The following CARMIL1 variants were observed in gnomAD, a reference collection of about 807,000 sequenced individuals.
CARMIL1 encodes the protein F-actin-uncapping protein LRRC16A.
In CARMIL1, 90 loss-of-function variants were observed where a neutral mutation model predicts 177.1. The observed-to-expected ratio is 0.51, with a 90% CI of 0.43 to 0.61. The LOEUF is 0.61. CARMIL1 is among the 20% of genes least tolerant of loss of function. The pLI, the probability that CARMIL1 is intolerant of heterozygous loss-of-function variation, is 0.00. For synonymous variants in CARMIL1, 577 were observed against 606.2 expected (o/e 0.95, Z 0.71); for missense variants, 1,380 against 1,667.0 (o/e 0.83, Z 3.00).
intron 8 of CARMIL1, among the ~76,000 whole-genome samples, chr6:25,457,450 G>A (rs557658388): frequency 6.6e-6 from 1 of 152,242 alleles, no homozygotes; most frequent in South Asian, 2.1e-4. Flanking sequence ...GTTGGTGAGT[G>A]GTTCCGCTAA....
chr6:25,491,858 C>G, intron 14 of CARMIL1, 49 bp downstream of exon 14: 1 of 1,511,428 alleles, frequency 6.6e-7, no homozygotes, highest in Non-Finnish European at 9.1e-7. Context: ...CTCAGAAGAG[C>G]TATTTAGATG....
intron 29 of CARMIL1, among the ~76,000 whole-genome samples, chr6:25,561,506 C>T (rs541813638): frequency 3.2e-4 from 48 of 152,284 alleles, no homozygotes; most frequent in Admixed American, 5.9e-4. Flanking sequence ...TATTACAGAA[C>T]GCATCTTTGT....
intron 2 of CARMIL1, among the ~76,000 whole-genome samples, chr6:25,367,026 G>A (rs1045358949): frequency 6.6e-6 from 1 of 152,186 alleles, no homozygotes; most frequent in Non-Finnish European, 1.5e-5. Flanking sequence ...GTTACTCATA[G>A]TAGCATTCCA....
chr6:25,491,147 G>T (rs1230856019), intron 13 of CARMIL1, among the ~76,000 whole-genome samples: 1 of 152,196 alleles, frequency 6.6e-6, no homozygotes, highest in African/African-American at 2.4e-5. Flanking sequence ...GACTGGGGAA[G>T]TTTAAGCATT....
At chr6:25,538,056 A>G in intron 25 of CARMIL1, 73 bp downstream of exon 25, 1 of 1,469,702 alleles carries the variant, frequency 6.8e-7, no homozygotes, top group Non-Finnish European at 9.0e-7. Context: ...TTTAGAAACC[A>G]GTTTCAACTT....
At chr6:25,345,332 A>G (rs900757306) in intron 2 of CARMIL1, among the ~76,000 whole-genome samples, 6 of 152,156 alleles carry the variant, frequency 3.9e-5, no homozygotes, top group African/African-American at 1.4e-4. Context: ...AACTCTAAGC[A>G]AAGTGTTTCA....
chr6:25,355,787 G>C (rs1004950059), intron 2 of CARMIL1, among the ~76,000 whole-genome samples: 1 of 152,152 alleles, frequency 6.6e-6, no homozygotes, highest in Non-Finnish European at 1.5e-5. Context: ...GGTAAAAAGA[G>C]AAAACCACAT....
chr6:25,455,797 G>A (rs144022313), intron 8 of CARMIL1, among the ~76,000 whole-genome samples: 36 of 152,274 alleles, frequency 2.4e-4, no homozygotes, highest in African/African-American at 8.7e-4. Flanking sequence ...TTTTAGTCAT[G>A]GGAGAGGCAC....
At chr6:25,495,258 C>T in intron 16 of CARMIL1, 43 bp downstream of exon 16, 1 of 1,353,892 alleles carries the variant, frequency 7.4e-7, no homozygotes, top group Non-Finnish European at 1.0e-6. Context: ...TAAAGTTCAA[C>T]TTATTTTTAC....
intron 3 of CARMIL1, among the ~76,000 whole-genome samples, chr6:25,422,682 A>G (rs1281140266): frequency 1.3e-5 from 2 of 152,192 alleles, no homozygotes; most frequent in Non-Finnish European, 2.9e-5. Context: ...CCCACTGGTA[A>G]GATATTAATT....
intron 2 of CARMIL1, among the ~76,000 whole-genome samples, chr6:25,322,194 C>T (rs1784733597): frequency 1.3e-5 from 2 of 152,216 alleles, no homozygotes; most frequent in African/African-American, 4.8e-5. Context: ...ACTATCTCAG[C>T]TCACTGCAAC....
At chr6:25,282,153 A>G (rs1781180167) in intron 1 of CARMIL1, among the ~76,000 whole-genome samples, 1 of 149,370 alleles carries the variant, frequency 6.7e-6, no homozygotes, top group Non-Finnish European at 1.5e-5. Flanking sequence ...TATAGACTTT[A>G]TGTAGAAACA....
At chr6:25,383,917 C>A (rs930534426) in intron 2 of CARMIL1, among the ~76,000 whole-genome samples, 1 of 152,190 alleles carries the variant, frequency 6.6e-6, no homozygotes, top group African/African-American at 2.4e-5. Context: ...TGGCTCACTG[C>A]AACCTCCACC....
intron 24 of CARMIL1, among the ~76,000 whole-genome samples, chr6:25,529,421 A>G (rs391629): frequency 0.82 from 124,429 of 152,094 alleles, 51,251 homozygotes; most frequent in East Asian, 0.95. Context: ...GCTTTACCAA[A>G]GAAACAGAAT....
intron 29 of CARMIL1, among the ~76,000 whole-genome samples, chr6:25,578,793 G>C (rs1812842640): frequency 6.6e-6 from 1 of 152,124 alleles, no homozygotes; most frequent in Non-Finnish European, 1.5e-5. Flanking sequence ...AATGTAATTA[G>C]AAGTTACTTA....
intron 12 of CARMIL1, 30 bp downstream of exon 12, chr6:25,482,373 T>C (rs1802200852): frequency 9.2e-7 from 1 of 1,081,408 alleles, no homozygotes; most frequent in African/African-American, 1.6e-5. Context: ...CCTAAGAGTG[T>C]GTCTGAAATA....
At chr6:25,395,603 C>T (rs566632202) in intron 2 of CARMIL1, among the ~76,000 whole-genome samples, 30 of 152,266 alleles carry the variant, frequency 2.0e-4, no homozygotes. Context: ...AAAGTAACAT[C>T]AATTTTAAAA....
In CARMIL1 at chr6:25,554,935, A is replaced by G. The variant is rs900430159; in HGVS notation, c.2592+839A>G. Among the ~76,000 whole-genome samples the G allele has an allele frequency of 6.6e-6, 1 of 152,206 alleles. No homozygotes were observed. The highest frequency in any genetic ancestry group is 2.4e-5 in the African/African-American group (1 of 41,450). ...TAGCTTCTTCTGCGTGAAACAGACA[A>G]AATGCATGTTTTTGAAAAATTCATT... On this transcript the variant is annotated intron_variant, in intron 28 of 36. Coordinates refer to ENST00000329474, the MANE Select transcript of CARMIL1 (RefSeq NM_017640.6). This position sits in a 1 kb window ranked among gnomAD's most constrained non-coding sequence, Gnocchi z 4.6.
chr6:25,565,523 C>G (rs1811479614), intron 29 of CARMIL1, among the ~76,000 whole-genome samples: 1 of 152,172 alleles, frequency 6.6e-6, no homozygotes, highest in Non-Finnish European at 1.5e-5. Flanking sequence ...CAGCATTGTT[C>G]TTTTTTCACA....
Sources: allele counts gnomAD v4.1 joint callset (sites outside exome capture counted in the v4.1 genomes callset), GRCh38; gene constraint gnomAD v4.1.1; non-coding constraint Gnocchi (gnomAD v3.1); transcripts MANE v1.5; gene names NCBI Gene and HGNC (gene_info 2026-07-23, HGNC 2026-07-21).